Variants in TAF1 observed in about 807,000 individuals in gnomAD.
TAF1 encodes TATA-box binding protein associated factor 1, also known as transcription initiation factor TFIID subunit 1.
Under a neutral mutation model 138.5 loss-of-function variants are expected in TAF1, and 2 were observed. That is an observed-to-expected ratio of 0.01 (90% CI 0.01 to 0.05). The LOEUF (loss-of-function observed/expected upper bound fraction) is 0.05. Ranked by LOEUF, TAF1 falls within the 10% of genes least tolerant of loss-of-function variation. The pLI is 1.00. For synonymous variants in TAF1, 437 were observed against 503.2 expected, an observed-to-expected ratio of 0.87 and a Z score of 1.76; for missense variants, 709 against 1,478.0, an observed-to-expected ratio of 0.48 and a Z score of 8.53.
At chrX:71,489,404 C>T (rs1227348172) in intron 13 of TAF1, among the ~76,000 whole-genome samples, 5 of 110,890 alleles carry the variant, frequency 4.5e-5, no homozygotes, top group Admixed American at 2.9e-4. Context: ...AGGCTGGGCG[C>T]GGTGGCTCAT....
rs142923467 is a variant in TAF1 at position 71,435,482 on chromosome X, C to T, written c.4753+11244C>T. ...TTCCAGCTGTCTTAACCTCCTCAGA[C>T]TCCAGTATGTCTCCAGAGCTCAGGA... On this transcript the variant is annotated intron_variant, in intron 32 of 37. Coordinates refer to ENST00000423759, the MANE Select transcript of TAF1 (RefSeq NM_004606.5). Among the ~76,000 whole-genome samples, 28 of 112,154 alleles carry T rather than the reference C, an allele frequency of 2.5e-4. No individual in the cohort carries two copies. The East Asian group carries it at 4.5e-3, about 18-fold the overall frequency.
Position 71,393,999 on chromosome X carries a change from A to T in TAF1, c.3228-68A>T, listed in dbSNP as rs977601460. 4.7e-6 allele frequency: 5 copies of T among 1,073,167 alleles called. No individual in the cohort carries two copies. In the African/African-American group the frequency reaches 9.4e-5, roughly 20 times the overall value. 88.4% of individuals were successfully genotyped at this position (1,073,167 alleles called of 1,213,427 possible). A position where few individuals can be genotyped will look rare whatever the true frequency, so the allele number is the denominator to read the frequency against. The stretch of plus-strand genomic sequence containing the variant: ...TATGCCTTTTTAAGGTTGATTTCCC[A>T]ATTTTTTACTTTTGCCTGCAACCAT... On this transcript the variant is annotated intron_variant, in intron 21 of 37. Transcript: ENST00000423759.
rs1297762789 is a variant in TAF1 at position 71,460,818 on chromosome X, C to T, written c.5399+15C>T. On this transcript the variant is annotated intron_variant, in intron 37 of 37. Coordinates refer to ENST00000423759, the MANE Select transcript of TAF1 (RefSeq NM_004606.5). ...AGCAACATCAGGTAATCGACAGCAA[C>T]ATGCTACAGGGCTGTGGCATCAGTG... 6 of 1,174,785 alleles carry T rather than the reference C, an allele frequency of 5.1e-6. No individual in the cohort carries two copies. The highest frequency in any genetic ancestry group is 6.8e-6 in the Non-Finnish European group (6 of 876,999).
At chrX:71,379,564 A>G (rs766406247) in intron 8 of TAF1, among the ~76,000 whole-genome samples, 2 of 104,929 alleles carry the variant, frequency 1.9e-5, no homozygotes, top group African/African-American at 6.9e-5. Flanking sequence ...GCTAGGCCAG[A>G]CTCAGGTTTC....
chrX:71,413,811 TA>T (rs1345557452), intron 28 of TAF1: 2 of 111,754 alleles, frequency 1.8e-5, no homozygotes, highest in Admixed American at 9.6e-5. Flanking sequence ...CCAAGTCCCA[TA>T]AATTGGAAAT....
At chrX:71,506,413 G>A (rs1268691462) in intron 13 of TAF1, among the ~76,000 whole-genome samples, 2 of 104,230 alleles carry the variant, frequency 1.9e-5, no homozygotes, top group African/African-American at 7.0e-5. Context: ...GGCCAGTCGC[G>A]GTGGCTCACG....
At chrX:71,393,027 T>C (rs774310068) in intron 20 of TAF1, 33 bp downstream of exon 20, 62 of 1,205,456 alleles carry the variant, frequency 5.1e-5, no homozygotes, top group Admixed American at 8.8e-5. Context: ...TAGAGTATAC[T>C]AGGGGCTTTG....
intron 4 of TAF1, 115 bp from the exon 5 acceptor site, chrX:71,376,835 T>C: frequency 9.6e-7 from 1 of 1,044,042 alleles, no homozygotes; most frequent in Non-Finnish European, 1.3e-6. Flanking sequence ...TTTGGGTGCT[T>C]GGGCCTATAT....
intron 25 of TAF1, among the ~76,000 whole-genome samples, chrX:71,402,810 G>A (rs1252996530): frequency 9.1e-6 from 1 of 109,831 alleles, no homozygotes. Flanking sequence ...TAAATCATTT[G>A]GAACTAAGTT....
At chrX:71,450,865 G>T (rs1377159023) in intron 32 of TAF1, among the ~76,000 whole-genome samples, 1 of 112,251 alleles carries the variant, frequency 8.9e-6, no homozygotes, top group East Asian at 2.8e-4. Flanking sequence ...AATGCCTTCA[G>T]TGTCTAGGCA....
At chrX:71,399,234 C>G (rs2035024950) in intron 24 of TAF1, among the ~76,000 whole-genome samples, 1 of 108,188 alleles carries the variant, frequency 9.2e-6, no homozygotes, top group Admixed American at 1.0e-4. Flanking sequence ...GCCACCATGC[C>G]CGGCTTGTCA....
In TAF1 at chrX:71,377,150, C is replaced by A. The variant is rs1226105376; in HGVS notation, c.673C>A (p.Pro225Thr). 1 of 1,211,393 alleles carries A rather than the reference C, an allele frequency of 8.3e-7. No homozygotes were observed. ...IMQHDATKLL[P>T]SVTELFPEFR... ...GCAGCATGATGCCACCAAGCTGTTGCCAAGTGTCACAGAACTTTTTCCAGA... is the reference window on the plus strand; with the variant it reads ...GCAGCATGATGCCACCAAGCTGTTGACAAGTGTCACAGAACTTTTTCCAGA... The change falls in exon 5 of 38, where the codon CCA becomes ACA. Residue 225 changes from proline to threonine, a missense_variant. By Grantham distance (38) the Pro-to-Thr change is conservative (BLOSUM62 -1). Around this residue, in one of 14 missense-constraint regions of TAF1, gnomAD observed 16 missense variants for 42.1 expected, o/e 0.38. Transcript: ENST00000423759.
At chrX:71,400,214 C>T (rs1336150267) in intron 24 of TAF1, among the ~76,000 whole-genome samples, 1 of 110,152 alleles carries the variant, frequency 9.1e-6, no homozygotes, top group East Asian at 2.9e-4. Context: ...CTCAGCCTCC[C>T]GAGTAGCTGG....
At chrX:71,486,089 C>G (rs938614498) in intron 13 of TAF1, among the ~76,000 whole-genome samples, 5 of 110,216 alleles carry the variant, frequency 4.5e-5, no homozygotes, top group African/African-American at 1.6e-4. Context: ...GATTCTCGTG[C>G]CTCAGCCTCT....
chrX:71,408,679 A>G (rs1422527970), intron 28 of TAF1, among the ~76,000 whole-genome samples: 1 of 110,855 alleles, frequency 9.0e-6, no homozygotes, highest in Non-Finnish European at 1.9e-5. Flanking sequence ...ATTCGTTGCA[A>G]TGAAACAGTT....
chrX:71,484,055 A>C (rs1314526156), intron 13 of TAF1, among the ~76,000 whole-genome samples: 2 of 110,194 alleles, frequency 1.8e-5, no homozygotes, highest in Non-Finnish European at 1.9e-5. Flanking sequence ...TTTTTTGTAG[A>C]AATGAGGTCT....
At chrX:71,382,448 C>T (rs2033956734) in intron 9 of TAF1, 88 bp from the exon 10 acceptor site, 1 of 1,127,501 alleles carries the variant, frequency 8.9e-7, no homozygotes, top group African/African-American at 1.8e-5. Flanking sequence ...GAACATCCGT[C>T]ACCTTAAAGA....
intron 28 of TAF1, among the ~76,000 whole-genome samples, chrX:71,418,209 T>A (rs2036131249): frequency 8.9e-6 from 1 of 112,069 alleles, no homozygotes; most frequent in African/African-American, 3.2e-5. Flanking sequence ...TCCTCCTGTG[T>A]CAGCCTGCCG....
At chrX:71,445,728 A>C (rs1289009622) in intron 32 of TAF1, among the ~76,000 whole-genome samples, 1 of 112,112 alleles carries the variant, frequency 8.9e-6, no homozygotes, top group African/African-American at 3.2e-5. Flanking sequence ...GTTAAAACCC[A>C]TAGATCAATT....
Sources: allele counts gnomAD v4.1 joint callset (sites outside exome capture counted in the v4.1 genomes callset), GRCh38; gene constraint gnomAD v4.1.1; regional missense constraint gnomAD v4.1.1; transcripts MANE v1.5; gene names NCBI Gene and HGNC (gene_info 2026-07-23, HGNC 2026-07-21).